The following NOVA1 variants were observed in gnomAD, a reference collection of about 807,000 sequenced individuals.
The protein encoded by NOVA1 is RNA-binding protein Nova-1.
In NOVA1, 7 loss-of-function variants were observed where a neutral mutation model predicts 38.0. The observed-to-expected ratio is 0.18, with a 90% CI of 0.10 to 0.35. The LOEUF (loss-of-function observed/expected upper bound fraction) is 0.35, where lower values mean the gene tolerates loss of function less well. NOVA1 is among the 10% of genes least tolerant of loss of function. The pLI is 1.00. For missense variants in NOVA1, 460 were observed against 616.0 expected (o/e 0.75, Z 2.68); for synonymous variants, 270 against 232.5 (o/e 1.16, Z -1.47).
At chr14:26,519,591 T>C (rs927872391) in intron 2 of NOVA1, 6 of 152,080 alleles carry the variant, frequency 3.9e-5, no homozygotes, top group Non-Finnish European at 7.4e-5. Context: ...GGTAAAATAA[T>C]TGAAAGAGAA....
At chr14:26,471,746 A>AT (rs1170658187) in intron 4 of NOVA1, among the ~76,000 whole-genome samples, 2 of 152,022 alleles carry the variant, frequency 1.3e-5, no homozygotes, top group Non-Finnish European at 2.9e-5. Flanking sequence ...AATGCTTAGA[A>AT]TTTTTTAAAA....
Position 26,460,448 on chromosome 14 carries a change from T to G in NOVA1, c.520-11485A>C, listed in dbSNP as rs1001105600. Among the ~76,000 whole-genome samples, 8 of 152,090 alleles carry G rather than the reference T, an allele frequency of 5.3e-5. No individual in the cohort carries two copies. The East Asian group carries it at 1.4e-3, about 26-fold the overall frequency. Reference sequence around the variant, plus strand: ...ATAAATCATATATAAAATATACTAATTTTTAAACTTCTGTTACTTGGCTAA... The same window carrying G: ...ATAAATCATATATAAAATATACTAAGTTTTAAACTTCTGTTACTTGGCTAA... On this transcript the variant is annotated intron_variant, in intron 4 of 4. Transcript: ENST00000539517.
intron 2 of NOVA1, among the ~76,000 whole-genome samples, chr14:26,550,406 T>A (rs1280080387): frequency 6.6e-6 from 1 of 152,166 alleles, no homozygotes; most frequent in Non-Finnish European, 1.5e-5. Flanking sequence ...AAAAGACAAC[T>A]TTTCTTCTCC....
intron 2 of NOVA1, among the ~76,000 whole-genome samples, chr14:26,499,674 T>C (rs1245969755): frequency 6.6e-6 from 1 of 152,108 alleles, no homozygotes; most frequent in Non-Finnish European, 1.5e-5. Flanking sequence ...ACACAACTAA[T>C]CTATCCAACC....
chr14:26,502,297 T>C (rs986166141), intron 2 of NOVA1, among the ~76,000 whole-genome samples: 20 of 151,908 alleles, frequency 1.3e-4, no homozygotes, highest in East Asian at 1.2e-3. Context: ...TAACATGTCA[T>C]GCAATGTAAA....
At chr14:26,589,811 C>G (rs1439499572) in intron 2 of NOVA1, among the ~76,000 whole-genome samples, 1 of 151,630 alleles carries the variant, frequency 6.6e-6, no homozygotes, top group African/African-American at 2.4e-5. Flanking sequence ...CATGAAAAAT[C>G]AATGTAGTTG....
intron 4 of NOVA1, among the ~76,000 whole-genome samples, chr14:26,459,540 T>C (rs1883479499): frequency 6.6e-6 from 1 of 152,162 alleles, no homozygotes; most frequent in African/African-American, 2.4e-5. Context: ...TATGCATGAC[T>C]GTAAATAGTG....
chr14:26,587,675 C>CA (rs1893611223), intron 2 of NOVA1, among the ~76,000 whole-genome samples: 1 of 151,158 alleles, frequency 6.6e-6, no homozygotes, highest in Non-Finnish European at 1.5e-5. Context: ...TACTTACCTC[C>CA]AACACTAACC....
At chr14:26,543,542 T>C (rs146568012) in intron 2 of NOVA1, among the ~76,000 whole-genome samples, 6 of 151,892 alleles carry the variant, frequency 4.0e-5, no homozygotes, top group Non-Finnish European at 7.4e-5. Context: ...TTATTCTAAC[T>C]GCCAAGACCA....
chr14:26,448,045 C>A lies in NOVA1; in HGVS notation c.1438G>T (p.Ala480Ser), dbSNP rs1425769086. ...RKVTITGTPA[A>S]TQAAQYLITQ... ...ATTAAATATTGAGCAGCCTGTGTTG[C>A]AGCTGGTGTTCCAGTAATGGTTACC... The change falls in exon 5 of 5, where the codon GCA (alanine) becomes TCA (serine). Residue 480 changes from alanine (A) to serine (S), a missense_variant. Transcript: ENST00000539517. The surrounding 1 kb of genome is among the most constrained non-coding windows in gnomAD (Gnocchi z 5.3). 6.2e-7 allele frequency: 1 copy of A among 1,614,090 alleles called. No individual in the cohort carries two copies. Among genetic ancestry groups the A allele is most frequent in the Non-Finnish European group, 8.5e-7 (1 of 1,180,048 alleles).
At chr14:26,585,184 T>C (rs1408560365) in intron 2 of NOVA1, among the ~76,000 whole-genome samples, 1 of 151,472 alleles carries the variant, frequency 6.6e-6, no homozygotes, top group African/African-American at 2.4e-5. Flanking sequence ...TCTTATTTCA[T>C]GTATCTCTTT....
At chr14:26,559,292 T>C (rs1891678401) in intron 2 of NOVA1, among the ~76,000 whole-genome samples, 1 of 152,110 alleles carries the variant, frequency 6.6e-6, no homozygotes. Context: ...AAAGTCCGTT[T>C]GGGAATCCAA....
intron 2 of NOVA1, among the ~76,000 whole-genome samples, chr14:26,486,774 A>G (rs1307601829): frequency 2.0e-5 from 3 of 150,440 alleles, no homozygotes; most frequent in African/African-American, 7.3e-5. Context: ...AGTGACAACC[A>G]TAGGGAATAT....
At position 26,459,317 on chromosome 14, in the gene NOVA1, T is replaced by C. The variant is rs79551877; in HGVS notation, c.520-10354A>G. Among the ~76,000 whole-genome samples, 1,317 of 152,238 alleles carry C rather than the reference T, an allele frequency of 8.7e-3. 17 individuals are homozygous for C. Among genetic ancestry groups the C allele is most frequent in the African/African-American group, 0.029 (1,196 of 41,548 alleles). ...CATTTAGATATACAAATAGTTAACA[T>C]TGTGTTACAACTGCCTACAGTATTT... On this transcript the variant is annotated intron_variant, in intron 4 of 4. Transcript: ENST00000539517.
intron 2 of NOVA1, among the ~76,000 whole-genome samples, chr14:26,580,574 C>T (rs1355143177): frequency 3.9e-5 from 6 of 151,996 alleles, no homozygotes; most frequent in Admixed American, 2.0e-4. Flanking sequence ...TGGAAAGACA[C>T]CTTACAGTAT....
At chr14:26,580,232 C>G (rs1295782580) in intron 2 of NOVA1, among the ~76,000 whole-genome samples, 1 of 152,008 alleles carries the variant, frequency 6.6e-6, no homozygotes, top group Non-Finnish European at 1.5e-5. Flanking sequence ...TCATGAAAGA[C>G]AATATTAAAT....
At chr14:26,558,804 A>G (rs178166) in intron 2 of NOVA1, among the ~76,000 whole-genome samples, 141,675 of 152,086 alleles carry the variant, frequency 0.93, 66,761 homozygotes, top group East Asian at 1. Context: ...ATATTGATAC[A>G]TAAGGTTATA....
chr14:26,565,018 G>A (rs959770379), intron 2 of NOVA1, among the ~76,000 whole-genome samples: 2 of 152,172 alleles, frequency 1.3e-5, no homozygotes, highest in Non-Finnish European at 2.9e-5. Flanking sequence ...TAATGACTCT[G>A]TGTGGGAAAG....
At chr14:26,585,355 T>G (rs190994915) in intron 2 of NOVA1, among the ~76,000 whole-genome samples, 177 of 151,518 alleles carry the variant, frequency 1.2e-3, no homozygotes, top group African/African-American at 4.0e-3. Flanking sequence ...ACAGCTGGTA[T>G]TTTTTATTTT....
Sources: allele counts gnomAD v4.1 joint callset (sites outside exome capture counted in the v4.1 genomes callset), GRCh38; gene constraint gnomAD v4.1.1; non-coding constraint Gnocchi (gnomAD v3.1); transcripts MANE v1.5; gene names NCBI Gene and HGNC (gene_info 2026-07-23, HGNC 2026-07-21).